Variants in SEL1L2 observed in about 807,000 individuals in gnomAD.
The protein encoded by SEL1L2 is protein sel-1 homolog 2.
A neutral mutation model predicts 98.8 loss-of-function variants in SEL1L2; 89 were observed. The ratio of observed to expected loss-of-function variants is 0.90; its 90% CI spans 0.76 to 1.07. The LOEUF is 1.07. Among genes scored for constraint, SEL1L2 ranks in the 50% least tolerant of loss-of-function variants. The pLI, the probability that SEL1L2 is intolerant of heterozygous loss-of-function variation, is 0.00. For synonymous variants in SEL1L2, 262 were observed against 278.5 expected (o/e 0.94, Z 0.59); for missense variants, 788 against 812.0 (o/e 0.97, Z 0.36).
At chr20:13,958,752 C>T (rs1373300404) in intron 1 of SEL1L2, among the ~76,000 whole-genome samples, 1 of 151,048 alleles carries the variant, frequency 6.6e-6, no homozygotes, top group Non-Finnish European at 1.5e-5. Flanking sequence ...CTGGCTAACA[C>T]ACTGAAAGCC....
intron 5 of SEL1L2, among the ~76,000 whole-genome samples, chr20:13,901,391 G>T (rs1265844435): frequency 6.6e-6 from 1 of 152,036 alleles, no homozygotes; most frequent in African/African-American, 2.4e-5. Context: ...ATTAAAACAC[G>T]TAAAGCTGTA....
chr20:13,896,386 C>T (rs542948978), intron 5 of SEL1L2, among the ~76,000 whole-genome samples: 129 of 152,008 alleles, frequency 8.5e-4, no homozygotes, highest in Admixed American at 1.6e-3. Flanking sequence ...AGGAGAATGG[C>T]GTGAACCCGG....
At chr20:13,944,154 G>C (rs2049907354) in intron 2 of SEL1L2, among the ~76,000 whole-genome samples, 1 of 152,134 alleles carries the variant, frequency 6.6e-6, no homozygotes, top group Admixed American at 6.5e-5. Flanking sequence ...ACAGACTTGG[G>C]TACTCCAGAG....
intron 2 of SEL1L2, among the ~76,000 whole-genome samples, chr20:13,950,176 G>T (rs367690916): frequency 3.8e-4 from 58 of 152,148 alleles, no homozygotes; most frequent in African/African-American, 1.1e-3. Context: ...GGGTGAGAGG[G>T]GAATGGAGAG....
At chr20:13,922,178 C>T (rs2048694013) in intron 3 of SEL1L2, among the ~76,000 whole-genome samples, 1 of 152,142 alleles carries the variant, frequency 6.6e-6, no homozygotes, top group Non-Finnish European at 1.5e-5. Context: ...TAAATAAGAA[C>T]ACAATCCCTG....
intron 10 of SEL1L2, among the ~76,000 whole-genome samples, chr20:13,878,340 G>T (rs1353416902): frequency 6.8e-6 from 1 of 146,246 alleles, no homozygotes; most frequent in Admixed American, 7.0e-5. Context: ...GTCTCACTCT[G>T]TCGCCCAGGC....
At chr20:13,932,099 G>A (rs772881635) in intron 2 of SEL1L2, among the ~76,000 whole-genome samples, 9 of 152,146 alleles carry the variant, frequency 5.9e-5, no homozygotes, top group Middle Eastern at 3.4e-3. Flanking sequence ...TGTCAATCGT[G>A]TTAGCTAAAA....
At chr20:13,908,103 C>CTTTTT (rs71188195) in intron 5 of SEL1L2, among the ~76,000 whole-genome samples, 13 of 26,746 alleles carry the variant, frequency 4.9e-4, no homozygotes, top group African/African-American at 1.3e-3. Context: ...TTTCTTGGTT[C>CTTTTT]TTTTTTTTTT....
intron 18 of SEL1L2, among the ~76,000 whole-genome samples, chr20:13,854,313 C>T (rs1411062416): frequency 6.6e-6 from 1 of 152,172 alleles, no homozygotes; most frequent in African/African-American, 2.4e-5. Context: ...TTCTGCCATA[C>T]TTTAGAACAG....
At chr20:13,958,552 C>T (rs1160522505) in intron 1 of SEL1L2, among the ~76,000 whole-genome samples, 1 of 152,030 alleles carries the variant, frequency 6.6e-6, no homozygotes, top group Non-Finnish European at 1.5e-5. Context: ...CAAAATGGGT[C>T]GTAAAGCAGC....
intron 1 of SEL1L2, among the ~76,000 whole-genome samples, chr20:13,966,151 T>A (rs1188567693): frequency 6.6e-6 from 1 of 152,084 alleles, no homozygotes; most frequent in East Asian, 1.9e-4. Flanking sequence ...AAATGCAGCA[T>A]CTGTGAAGTG....
intron 12 of SEL1L2, 96 bp from the exon 13 acceptor site, chr20:13,870,299 T>G: frequency 1.2e-6 from 1 of 838,430 alleles, no homozygotes; most frequent in South Asian, 1.5e-5. Flanking sequence ...ATGCACCCAG[T>G]AAGAGATTAA....
At chr20:13,973,002 T>C (rs1024421820) in intron 1 of SEL1L2, among the ~76,000 whole-genome samples, 3 of 152,290 alleles carry the variant, frequency 2.0e-5, no homozygotes, top group Middle Eastern at 3.4e-3. Context: ...GGAAATCCTA[T>C]TGTATGGATA....
intron 9 of SEL1L2, among the ~76,000 whole-genome samples, chr20:13,886,036 CA>C (rs11476832): frequency 0.11 from 13,159 of 123,680 alleles, 547 homozygotes; most frequent in African/African-American, 0.12. Flanking sequence ...GACTCCAACT[CA>C]AAAAAAAAAA....
chr20:13,871,123 T>C (rs1365286348), intron 12 of SEL1L2, among the ~76,000 whole-genome samples: 2 of 151,984 alleles, frequency 1.3e-5, no homozygotes, highest in African/African-American at 4.8e-5. Context: ...CCTACTCAGG[T>C]CTACAGAGGT....
At chr20:13,988,533 C>G (rs1337027484) in intron 1 of SEL1L2, among the ~76,000 whole-genome samples, 1 of 152,138 alleles carries the variant, frequency 6.6e-6, no homozygotes, top group African/African-American at 2.4e-5. Context: ...TTCCAGTAAC[C>G]TATATGTCTA....
intron 9 of SEL1L2, 22 bp downstream of exon 9, chr20:13,886,266 C>G: frequency 6.4e-7 from 1 of 1,562,296 alleles, no homozygotes; most frequent in Non-Finnish European, 8.7e-7. Context: ...TCTAAAAACT[C>G]AATCTCATCT....
At chr20:13,932,314 G>A (rs1269762941) in intron 2 of SEL1L2, among the ~76,000 whole-genome samples, 1 of 151,678 alleles carries the variant, frequency 6.6e-6, no homozygotes, top group African/African-American at 2.4e-5. Context: ...CAGGAATTAA[G>A]GTAGAAAAAG....
intron 1 of SEL1L2, among the ~76,000 whole-genome samples, chr20:13,987,928 T>G (rs2052315888): frequency 6.6e-6 from 1 of 152,228 alleles, no homozygotes; most frequent in Admixed American, 6.5e-5. Context: ...TTCTGTGGGT[T>G]GTCGTTTCAG....
Sources: gnomAD v4.1 joint callset for allele counts (sites outside exome capture counted in the v4.1 genomes callset) on GRCh38, gnomAD v4.1.1 for gene constraint, MANE v1.5 for transcripts, NCBI Gene and HGNC (gene_info 2026-07-23, HGNC 2026-07-21) for gene names.